The following VPS25 variants were observed in gnomAD, a reference collection of about 807,000 sequenced individuals.
VPS25 encodes the protein vacuolar protein sorting 25 homolog.
In VPS25, 21 loss-of-function variants were observed where a neutral mutation model predicts 30.3. That is an observed-to-expected ratio of 0.69 (90% CI 0.49 to 1.00). VPS25 has a LOEUF of 1.00. VPS25 is among the 50% of genes least tolerant of loss of function. VPS25 has a pLI of 0.00. For synonymous variants in VPS25, 101 were observed against 88.1 expected, an observed-to-expected ratio of 1.15 and a Z score of -0.82; for missense variants, 156 against 217.2, an observed-to-expected ratio of 0.72 and a Z score of 1.77.
At chr17:42,778,878 C>G in intron 5 of VPS25, 79 bp from the exon 6 acceptor site, 1 of 1,366,684 alleles carries the variant, frequency 7.3e-7, no homozygotes, top group Middle Eastern at 1.9e-4. Flanking sequence ...TGGGAGGTCT[C>G]GGCTTCCAGC....
chr17:42,778,948 C>T lies in VPS25; in HGVS notation c.419-9C>T. ...AGCTGATTGTCTCTGCCTATCTCTC[C>T]CTGTTCAGAGTTCCACGGGCTGGAT... On this transcript the variant is annotated splice_polypyrimidine_tract_variant and intron_variant, in intron 5 of 5. Coordinates refer to ENST00000253794, the MANE Select transcript of VPS25 (RefSeq NM_032353.4). 6.2e-7 allele frequency: 1 copy of T among 1,613,408 alleles called. No homozygotes were observed. Among genetic ancestry groups the T allele is most frequent in the Non-Finnish European group, 8.5e-7 (1 of 1,179,528 alleles).
In VPS25 at chr17:42,773,807, T is replaced by C. The variant is rs1380494585; in HGVS notation, c.128T>C (p.Leu43Pro). ...TCGCTGGTCCTGTCCTTCTGCCGCC[T>C]GCACAAACAGTCCAGCATGACGGTG... The part of the protein sequence containing the change: ...WCSLVLSFCR[L>P]HKQSSMTVME... The change falls in exon 2 of 6, where the codon CTG becomes CCG. Residue 43 changes from leucine (L) to proline (P), a missense_variant. By Grantham distance (98) the Leu-to-Pro change is moderately conservative. Coordinates refer to ENST00000253794, the MANE Select transcript of VPS25 (RefSeq NM_032353.4). 6.2e-7 allele frequency: 1 copy of C among 1,614,156 alleles called. No individual in the cohort carries two copies. The highest frequency in any genetic ancestry group is 1.1e-5 in the South Asian group (1 of 91,084).
chr17:42,778,465 G>A (rs1195709523), intron 5 of VPS25, among the ~76,000 whole-genome samples: 1 of 152,166 alleles, frequency 6.6e-6, no homozygotes, highest in Non-Finnish European at 1.5e-5. Flanking sequence ...GATTACAGGC[G>A]TGAGCCACCG....
At chr17:42,778,148 A>G (rs1020825755) in intron 5 of VPS25, among the ~76,000 whole-genome samples, 3 of 151,526 alleles carry the variant, frequency 2.0e-5, no homozygotes, top group Non-Finnish European at 4.4e-5. Flanking sequence ...GTATCTTACC[A>G]TATCTCCACA....
At chr17:42,773,688 G>C in intron 1 of VPS25, 45 bp from the exon 2 acceptor site, 1 of 1,606,514 alleles carries the variant, frequency 6.2e-7, no homozygotes, top group South Asian at 1.1e-5. Context: ...GGCAAGTGCT[G>C]CCTCCCGCCC....
chr17:42,777,719 G>A (rs573510716), intron 5 of VPS25, among the ~76,000 whole-genome samples: 8 of 152,298 alleles, frequency 5.3e-5, no homozygotes, highest in African/African-American at 1.9e-4. Context: ...AACACCCCCA[G>A]CCCATTTATA....
chr17:42,775,256 A>G lies in VPS25; in HGVS notation c.254-125A>G, dbSNP rs575464601. The G allele has an allele frequency of 1.8e-3, 1,203 of 659,590 alleles. 9 individuals carry two copies. The highest frequency in any genetic ancestry group is 3.3e-3 in the South Asian group (173 of 53,104). 40.9% of individuals were successfully genotyped at this position (659,590 alleles called of 1,614,324 possible). ...GAGAGAATTTTTTTGTATTTTCTGT[A>G]GGGTCTCATCATGTTGCCCAGGCTA... On this transcript the variant is annotated intron_variant, in intron 3 of 5. Transcript: ENST00000253794.
Position 42,774,708 on chromosome 17 carries a change from A to C in VPS25, c.253+9A>C. On this transcript the variant is annotated intron_variant, in intron 3 of 5. Coordinates refer to ENST00000253794, the MANE Select transcript of VPS25 (RefSeq NM_032353.4). ...GGAACTGAGGAAGAAAGGTGGGTTC[A>C]GTTCCCCAGATTCCTTATTTTTCTT... is the stretch of plus-strand genomic sequence containing the variant. 2 of 1,610,862 alleles carry C rather than the reference A, an allele frequency of 1.2e-6. No homozygotes were observed. Among genetic ancestry groups the C allele is most frequent in the Non-Finnish European group, 1.7e-6 (2 of 1,177,584 alleles).
At chr17:42,776,209 T>C in intron 4 of VPS25, 36 bp from the exon 5 acceptor site, 2 of 1,576,164 alleles carry the variant, frequency 1.3e-6, no homozygotes, top group Non-Finnish European at 1.7e-6. Flanking sequence ...AGGAGATTCT[T>C]GGTTCTAATT....
chr17:42,776,678 T>TG (rs2054438178), intron 5 of VPS25, among the ~76,000 whole-genome samples: 1 of 149,274 alleles, frequency 6.7e-6, no homozygotes, highest in Non-Finnish European at 1.5e-5. Context: ...TTTTTTTTTT[T>TG]TTTTGAGACA....
intron 2 of VPS25, chr17:42,774,317 A>G: frequency 3.3e-6 from 1 of 302,620 alleles, no homozygotes. Flanking sequence ...AAGGAAGGCA[A>G]CAGACAGAGG....
chr17:42,778,828 C>A (rs2054450772), intron 5 of VPS25, 129 bp from the exon 6 acceptor site: 7 of 682,490 alleles, frequency 1.0e-5, no homozygotes, highest in Non-Finnish European at 1.7e-5. Flanking sequence ...GTGTGGATGG[C>A]AGCTGTAGCA....
intron 2 of VPS25, 159 bp downstream of exon 2, chr17:42,774,037 C>A: frequency 2.4e-6 from 2 of 846,688 alleles, no homozygotes; most frequent in Non-Finnish European, 1.8e-6. Context: ...GACATTTTCC[C>A]CTGGCAAATG....
intron 5 of VPS25, 96 bp from the exon 6 acceptor site, chr17:42,778,861 C>G: frequency 9.1e-7 from 1 of 1,102,008 alleles, no homozygotes; most frequent in Non-Finnish European, 1.3e-6. Context: ...TATGCATACC[C>G]TGCCTCTGGG....
At chr17:42,778,112 C>T (rs2143966274) in intron 5 of VPS25, among the ~76,000 whole-genome samples, 1 of 152,276 alleles carries the variant, frequency 6.6e-6, no homozygotes, top group African/African-American at 2.4e-5. Context: ...TCAGGGCTTG[C>T]CTGCTGCCTC....
Position 42,779,359 on chromosome 17 carries a change from G to A in VPS25, c.*290G>A. On this transcript the variant is annotated 3_prime_UTR_variant, in exon 6 of 6. Transcript: ENST00000253794. ...TCTGTAAACCTGACACTTTATATGT[G>A]TTCACACATGTAAGTACATACACAC... 2.8e-6 allele frequency: 1 copy of A among 356,842 alleles called. No individual in the cohort carries two copies. The highest frequency in any genetic ancestry group is 6.0e-5 in the East Asian group (1 of 16,636). 22.1% of individuals were successfully genotyped at this position (356,842 alleles called of 1,614,324 possible).
In VPS25 at chr17:42,773,771, C is replaced by T; in HGVS notation, c.92C>T (p.Ala31Val). 1.2e-6 allele frequency: 2 copies of T among 1,614,128 alleles called. No individual in the cohort carries two copies. Among genetic ancestry groups the T allele is most frequent in the Non-Finnish European group, 1.7e-6 (2 of 1,180,032 alleles). Residue 31 changes from alanine (A) to valine (V), a missense_variant, in exon 2 of 6, where the codon GCC (alanine) becomes GTC (valine). By Grantham distance (64) the Ala-to-Val change is moderately conservative. Transcript: ENST00000253794. ...GTGGACACTCGGCAGAAGCAGCTGG[C>T]CGCCTGGTGCTCGCTGGTCCTGTCC... ...PNVDTRQKQL[A>V]AWCSLVLSFC...
rs1252899780 is a variant in VPS25, at chr17:42,775,405, G to A, written c.278G>A (p.Ser93Asn). 22 of 1,613,984 alleles carry A rather than the reference G, an allele frequency of 1.4e-5. No homozygotes were observed. The highest frequency in any genetic ancestry group is 1.9e-5 in the Non-Finnish European group (22 of 1,179,986). ...KKGNLEWLDK[S>N]KSSFLIMWRR... ...GGGAACCTCGAGTGGTTGGATAAGA[G>A]CAAGTCCAGCTTCCTGATCATGTGG... Residue 93 changes from serine to asparagine, a missense_variant, in exon 4 of 6, where the codon AGC becomes AAC. By Grantham distance (46) the Ser-to-Asn change is conservative (BLOSUM62 1). Transcript: ENST00000253794.
intron 3 of VPS25, 85 bp from the exon 4 acceptor site, chr17:42,775,296 G>A: frequency 4.9e-6 from 5 of 1,016,952 alleles, no homozygotes; most frequent in African/African-American, 1.6e-5. Flanking sequence ...CGAACTCCTG[G>A]GCTCAAGCAG....
Sources: gnomAD v4.1 joint callset for allele counts (sites outside exome capture counted in the v4.1 genomes callset) on GRCh38, gnomAD v4.1.1 for gene constraint, MANE v1.5 for transcripts, NCBI Gene and HGNC (gene_info 2026-07-23, HGNC 2026-07-21) for gene names.